NCAPG: variants seen among roughly 807,000 people sequenced by gnomAD.
NCAPG encodes non-SMC condensin I complex subunit G, also known as condensin complex subunit 3.
In NCAPG, 69 loss-of-function variants were observed where a neutral mutation model predicts 113.1. The observed-to-expected ratio is 0.61, with a 90% CI of 0.50 to 0.75. The LOEUF is 0.75. Ranked by LOEUF, NCAPG falls within the 30% of genes least tolerant of loss-of-function variation. The pLI is 0.00. For missense variants in NCAPG, 1,058 were observed against 1,177.0 expected, an observed-to-expected ratio of 0.90 and a Z score of 1.48; for synonymous variants, 370 against 415.8, an observed-to-expected ratio of 0.89 and a Z score of 1.34.
rs1310922103 is a variant in NCAPG, at chr4:17,815,331, C to A, written c.748C>A (p.Leu250Ile). 1 of 1,585,244 alleles carries A rather than the reference C, an allele frequency of 6.3e-7. No homozygotes were observed. Among genetic ancestry groups the A allele is most frequent in the South Asian group, 1.2e-5 (1 of 85,440 alleles). Residue 250 changes from leucine to isoleucine, a missense_variant, in exon 5 of 21, where the codon CTT becomes ATT. Physicochemically the swap from Leu to Ile is conservative, Grantham distance 5. Transcript: ENST00000251496. ...GTCCATTGCTCAGAGAGTAATGCTC[C>A]TTCAACAAGGTCTTAATGACAGATC... ...AMSIAQRVML[L>I]QQGLNDRSDA...
intron 8 of NCAPG, 53 bp from the exon 9 acceptor site, chr4:17,823,594 G>T (rs960343312): frequency 1.5e-5 from 23 of 1,516,080 alleles, no homozygotes; most frequent in Admixed American, 5.5e-5. Flanking sequence ...GAATGTTAGA[G>T]ATAAAACATG....
At position 17,811,220 on chromosome 4, in the gene NCAPG, C is replaced by T; in HGVS notation, c.111+32C>T. On this transcript the variant is annotated intron_variant, in intron 1 of 20. Coordinates refer to ENST00000251496, the MANE Select transcript of NCAPG (RefSeq NM_022346.5). The surrounding 1 kb of genome is among the most constrained non-coding windows in gnomAD (Gnocchi z 5.3). ...GCTCCCGGCCCCGGCCGCCGCCTCT[C>T]GCCCGCCCCGGCCCACCCTCCCTCA... The T allele has an allele frequency of 7.3e-7, 1 of 1,365,230 alleles. No individual in the cohort carries two copies. The allele number at this position is 1,365,230 out of a possible 1,614,324, so 84.6% of individuals were successfully genotyped here.
At chr4:17,835,646 C>G (rs894798042) in intron 14 of NCAPG, among the ~76,000 whole-genome samples, 1 of 152,212 alleles carries the variant, frequency 6.6e-6, no homozygotes, top group Non-Finnish European at 1.5e-5. Context: ...CTTCTGCCAG[C>G]CCTGACAGCA....
chr4:17,828,056 C>T (rs185499360), intron 11 of NCAPG, among the ~76,000 whole-genome samples: 3 of 152,094 alleles, frequency 2.0e-5, no homozygotes, highest in Non-Finnish European at 2.9e-5. Context: ...CTGCCTTGGC[C>T]CCCCAAAGTG....
At chr4:17,831,164 CTG>C (rs1253514875) in intron 13 of NCAPG, 48 bp downstream of exon 13, 15 of 1,579,590 alleles carry the variant, frequency 9.5e-6, no homozygotes, top group Non-Finnish European at 1.3e-5. Flanking sequence ...CTGAAATACT[CTG>C]TGGCGATAAT....
In NCAPG at chr4:17,811,119, T is replaced by G. The variant is rs1234333418; in HGVS notation, c.42T>G (p.Phe14Leu). ...ERRLLSIKEA[F>L]RLAQQPHQNQ... ...GGCTGCTGTCGATTAAGGAGGCCTT[T>G]CGGCTGGCGCAGCAGCCGCACCAGA... is the stretch of plus-strand genomic sequence containing the variant. Residue 14 changes from phenylalanine (F) to leucine (L), a missense_variant, in exon 1 of 21, where the codon TTT (phenylalanine) becomes TTG (leucine). By Grantham distance (22) the Phe-to-Leu change is conservative. Transcript: ENST00000251496. This position sits in a 1 kb window ranked among gnomAD's most constrained non-coding sequence, Gnocchi z 5.3. 1 of 1,529,032 alleles carries G rather than the reference T, an allele frequency of 6.5e-7. No homozygotes were observed. Among genetic ancestry groups the G allele is most frequent in the Non-Finnish European group, 8.8e-7 (1 of 1,138,748 alleles). 94.7% of individuals were successfully genotyped at this position (1,529,032 alleles called of 1,614,324 possible).
intron 13 of NCAPG, 115 bp downstream of exon 13, chr4:17,831,231 T>G: frequency 8.4e-7 from 1 of 1,186,386 alleles, no homozygotes; most frequent in Non-Finnish European, 1.2e-6. Context: ...TTATTATGGA[T>G]AATCTTTGGA....
Position 17,837,733 on chromosome 4 carries a change from G to A in NCAPG, c.2398G>A (p.Glu800Lys). 1 of 1,613,970 alleles carries A rather than the reference G, an allele frequency of 6.2e-7. No individual in the cohort carries two copies. The highest frequency in any genetic ancestry group is 8.5e-7 in the Non-Finnish European group (1 of 1,179,908). ...TGAAATTGATATCACAAATGTTGCT[G>A]AGTTACTTGTAGATTTGACAAGACC... The part of the protein sequence containing the change: ...LAEIDITNVA[E>K]LLVDLTRPSG... Residue 800 changes from glutamate (E) to lysine (K), a missense_variant, in exon 16 of 21, where the codon GAG becomes AAG. By Grantham distance (56) the Glu-to-Lys change is moderately conservative. Coordinates refer to ENST00000251496, the MANE Select transcript of NCAPG (RefSeq NM_022346.5).
At chr4:17,822,354 TA>T (rs1312321508) in intron 7 of NCAPG, among the ~76,000 whole-genome samples, 1 of 152,052 alleles carries the variant, frequency 6.6e-6, no homozygotes, top group Non-Finnish European at 1.5e-5. Flanking sequence ...CATGCCTGGC[TA>T]ATTTTTTTGT....
At chr4:17,824,666 C>T (rs190293687) in intron 9 of NCAPG, among the ~76,000 whole-genome samples, 28 of 152,228 alleles carry the variant, frequency 1.8e-4, no homozygotes, top group Admixed American at 1.5e-3. Context: ...TTAAGTGTCT[C>T]ATCTTAAGCA....
chr4:17,840,290 T>TAACA (rs1025721345), intron 18 of NCAPG, 81 bp downstream of exon 18: 3 of 1,386,196 alleles, frequency 2.2e-6, no homozygotes, highest in African/African-American at 3.0e-5. Flanking sequence ...TTTTCTACTC[T>TAACA]AACATGTTTG....
At chr4:17,826,415 A>C (rs1270470203) in intron 11 of NCAPG, among the ~76,000 whole-genome samples, 1 of 151,732 alleles carries the variant, frequency 6.6e-6, no homozygotes, top group Non-Finnish European at 1.5e-5. Flanking sequence ...AGACATCCCA[A>C]CTCCAACACC....
In NCAPG at chr4:17,837,168, C is replaced by T. The variant is rs1198722669; in HGVS notation, c.2119C>T (p.Leu707Phe). The change falls in exon 15 of 21, where the codon CTT becomes TTT. Residue 707 changes from leucine to phenylalanine, a missense_variant. Leu to Phe is a conservative substitution (Grantham distance 22, BLOSUM62 0). Coordinates refer to ENST00000251496, the MANE Select transcript of NCAPG (RefSeq NM_022346.5). ...ATGTCATCTTTGTTAGGTATCTGAA[C>T]TTAGGACTGGAGCTGCAGAAGGACT... ...SDFLDSEVSE[L>F]RTGAAEGLAK... 4 of 1,613,008 alleles carry T rather than the reference C, an allele frequency of 2.5e-6. No homozygotes were observed. Among genetic ancestry groups the T allele is most frequent in the Non-Finnish European group, 3.4e-6 (4 of 1,179,610 alleles).
At position 17,840,174 on chromosome 4, in the gene NCAPG, C is replaced by G. The variant is rs1292645721; in HGVS notation, c.2732C>G (p.Ala911Gly). Reference protein sequence around the residue: ...FGDQAEAAQDATLTTTTFQNE... With the variant: ...FGDQAEAAQDGTLTTTTFQNE... ...GACCAAGCTGAAGCAGCACAGGATG[C>G]CACCTTGACTACAACTACTTTCCAA... Residue 911 changes from alanine to glycine, a missense_variant, in exon 18 of 21, where the codon GCC becomes GGC. By Grantham distance (60) the Ala-to-Gly change is moderately conservative (BLOSUM62 0). Transcript: ENST00000251496. The G allele has an allele frequency of 2.2e-5, 36 of 1,607,942 alleles. No homozygotes were observed. Among genetic ancestry groups the G allele is most frequent in the Non-Finnish European group, 2.8e-5 (33 of 1,177,696 alleles).
At chr4:17,839,537 G>A in intron 16 of NCAPG, 139 bp from the exon 17 acceptor site, 1 of 537,388 alleles carries the variant, frequency 1.9e-6, no homozygotes, top group East Asian at 3.5e-5. Context: ...GGGTAGGGAG[G>A]ATGTTAAATT....
In NCAPG at chr4:17,825,370, A is replaced by G; in HGVS notation, c.1474-12A>G. ...TTTGTTCAGTGTTGAAACAATTTAT[A>G]TCTTCCCTTAGATGGCTGAAATAAA... On this transcript the variant is annotated splice_polypyrimidine_tract_variant and intron_variant, in intron 10 of 20. Transcript: ENST00000251496. 6 of 1,572,980 alleles carry G rather than the reference A, an allele frequency of 3.8e-6. No homozygotes were observed. The highest frequency in any genetic ancestry group is 2.8e-5 in the African/African-American group (2 of 72,374).
At chr4:17,829,982 G>C (rs559014801) in intron 12 of NCAPG, among the ~76,000 whole-genome samples, 37 of 152,332 alleles carry the variant, frequency 2.4e-4, no homozygotes, top group African/African-American at 8.9e-4. Flanking sequence ...ACCCTGGTCT[G>C]ATATTTGAGT....
rs1333942660 is a variant in NCAPG, at chr4:17,825,027, T to A, written c.1443T>A (p.Asp481Glu). The change falls in exon 10 of 21, where the codon GAT (aspartate) becomes GAA (glutamate). Residue 481 changes from aspartate to glutamate, a missense_variant. By Grantham distance (45) the Asp-to-Glu change is conservative. Transcript: ENST00000251496. Reference sequence around the variant, plus strand: ...TTGTTACTGTTGGTGTTAATAACGATCCAGCTGATGTAAGAAAGAAAGAAC... The same window carrying A: ...TTGTTACTGTTGGTGTTAATAACGAACCAGCTGATGTAAGAAAGAAAGAAC... ...APIVTVGVNN[D>E]PADVRKKELK... The A allele has an allele frequency of 1.9e-6, 3 of 1,612,646 alleles. No individual in the cohort carries two copies. Among genetic ancestry groups the A allele is most frequent in the Non-Finnish European group, 2.5e-6 (3 of 1,179,286 alleles).
chr4:17,829,019 T>A (rs921584633), intron 12 of NCAPG, among the ~76,000 whole-genome samples: 1 of 152,056 alleles, frequency 6.6e-6, no homozygotes, highest in Non-Finnish European at 1.5e-5. Flanking sequence ...GTCCAATATA[T>A]CCAAAATATT....
Sources: gnomAD v4.1 joint callset for allele counts (sites outside exome capture counted in the v4.1 genomes callset) on GRCh38, gnomAD v4.1.1 for gene constraint, Gnocchi (gnomAD v3.1) non-coding constraint, MANE v1.5 for transcripts, NCBI Gene and HGNC (gene_info 2026-07-23, HGNC 2026-07-21) for gene names.